AHCYL2: variants seen among roughly 807,000 people sequenced by gnomAD.
The protein encoded by AHCYL2 is S-adenosylhomocysteine hydrolase-like protein 2.
A neutral mutation model predicts 81.4 loss-of-function variants in AHCYL2; 28 were observed. That is an observed-to-expected ratio of 0.34 (90% CI 0.25 to 0.47). AHCYL2 has a LOEUF of 0.47. Ranked by LOEUF, AHCYL2 falls within the 20% of genes least tolerant of loss-of-function variation. AHCYL2 has a pLI of 1.00. For synonymous variants in AHCYL2, 272 were observed against 290.2 expected (o/e 0.94, Z 0.64); for missense variants, 551 against 785.1 (o/e 0.70, Z 3.56).
intron 1 of AHCYL2, among the ~76,000 whole-genome samples, chr7:129,328,003 G>T (rs921724638): frequency 6.6e-6 from 1 of 152,080 alleles, no homozygotes; most frequent in African/African-American, 2.4e-5. Flanking sequence ...TCACTGTGTG[G>T]ATTAGCCTGA....
At position 129,286,769 on chromosome 7, in the gene AHCYL2, C is replaced by G. The variant is rs114268768; in HGVS notation, c.363+61330C>G. ...AGCCACCACTTCCAGCTCCTTTACACTCTTAAAAATTAAGGATCCCAAAGA... is the reference window on the plus strand; with the variant it reads ...AGCCACCACTTCCAGCTCCTTTACAGTCTTAAAAATTAAGGATCCCAAAGA... On this transcript the variant is annotated intron_variant, in intron 1 of 16. Coordinates refer to ENST00000325006, the MANE Select transcript of AHCYL2 (RefSeq NM_015328.4). Among the ~76,000 whole-genome samples the G allele has an allele frequency of 4.5e-3, 655 of 144,834 alleles. 8 individuals carry two copies. Among genetic ancestry groups the G allele is most frequent in the African/African-American group, 0.015 (624 of 40,908 alleles).
intron 1 of AHCYL2, among the ~76,000 whole-genome samples, chr7:129,303,257 C>G (rs539059813): frequency 6.6e-6 from 1 of 152,164 alleles, no homozygotes; most frequent in South Asian, 2.1e-4. Flanking sequence ...CCTTGGCCTC[C>G]GAAAGTGCTG....
chr7:129,405,449 T>C (rs1796255627), intron 8 of AHCYL2: 1 of 364,948 alleles, frequency 2.7e-6, no homozygotes, highest in Non-Finnish European at 4.8e-6. Context: ...ATGTTGCTTT[T>C]ATGTTTAAAA....
chr7:129,305,461 A>AAAAC (rs770307869), intron 1 of AHCYL2, among the ~76,000 whole-genome samples: 1 of 152,144 alleles, frequency 6.6e-6, no homozygotes, highest in Non-Finnish European at 1.5e-5. Flanking sequence ...ATCCATCTCA[A>AAAAC]AAACAAACAA....
intron 2 of AHCYL2, among the ~76,000 whole-genome samples, chr7:129,387,755 G>A (rs569759439): frequency 1.3e-4 from 20 of 152,264 alleles, no homozygotes; most frequent in Non-Finnish European, 2.2e-4. Context: ...CTAGGAGAGG[G>A]AACCACAAAC....
chr7:129,382,622 T>C (rs927264402), intron 2 of AHCYL2, among the ~76,000 whole-genome samples: 4 of 151,720 alleles, frequency 2.6e-5, no homozygotes, highest in African/African-American at 7.3e-5. Context: ...AAAATAATTT[T>C]AGGCAGGGCG....
At chr7:129,236,578 C>T (rs745785742) in intron 1 of AHCYL2, among the ~76,000 whole-genome samples, 11 of 151,986 alleles carry the variant, frequency 7.2e-5, no homozygotes, top group African/African-American at 1.7e-4. Flanking sequence ...TGGGCTCAAG[C>T]GATCTGCCCG....
chr7:129,400,829 T>A (rs1370698834), intron 6 of AHCYL2, among the ~76,000 whole-genome samples: 2 of 152,102 alleles, frequency 1.3e-5, no homozygotes, highest in Non-Finnish European at 2.9e-5. Context: ...AGAAAAAAAA[T>A]AAAAATAATA....
intron 12 of AHCYL2, among the ~76,000 whole-genome samples, chr7:129,418,681 G>A (rs1796974018): frequency 1.3e-5 from 2 of 152,160 alleles, no homozygotes; most frequent in Non-Finnish European, 1.5e-5. Flanking sequence ...AGGCTGAGGT[G>A]GGAGGATTGC....
At chr7:129,393,770 A>G (rs1053284177) in intron 4 of AHCYL2, among the ~76,000 whole-genome samples, 1 of 152,162 alleles carries the variant, frequency 6.6e-6, no homozygotes, top group African/African-American at 2.4e-5. Flanking sequence ...CATTTCTCCC[A>G]GAATGCCTAG....
intron 1 of AHCYL2, among the ~76,000 whole-genome samples, chr7:129,299,542 C>T (rs1275129389): frequency 2.6e-5 from 4 of 151,684 alleles, no homozygotes; most frequent in Admixed American, 6.6e-5. Context: ...TACAGGCACC[C>T]GCCACCACGC....
chr7:129,418,369 G>T (rs561027044), intron 12 of AHCYL2, among the ~76,000 whole-genome samples: 2 of 151,912 alleles, frequency 1.3e-5, no homozygotes, highest in Admixed American at 1.3e-4. Context: ...GTGCAATCTC[G>T]GCTCACTGCA....
intron 1 of AHCYL2, among the ~76,000 whole-genome samples, chr7:129,371,716 A>C (rs1233207187): frequency 6.6e-6 from 1 of 152,182 alleles, no homozygotes; most frequent in Non-Finnish European, 1.5e-5. Flanking sequence ...CTGTGTTTCA[A>C]CATTTTAATA....
chr7:129,373,423 AAC>A (rs1794513072), intron 1 of AHCYL2, among the ~76,000 whole-genome samples: 1 of 152,106 alleles, frequency 6.6e-6, no homozygotes, highest in African/African-American at 2.4e-5. Flanking sequence ...TACTAAAAAA[AAC>A]AAAACAAAAC....
At position 129,426,589 on chromosome 7, in the gene AHCYL2, G is replaced by A; in HGVS notation, c.1829+26G>A. ...GTGCCTTGGGCTCCCCAGAAATCAG[G>A]GACACCTGGGCAGTGATGAGCTTCC... On this transcript the variant is annotated intron_variant, in intron 16 of 16. Coordinates refer to ENST00000325006, the MANE Select transcript of AHCYL2 (RefSeq NM_015328.4). This position sits in a 1 kb window ranked among gnomAD's most constrained non-coding sequence, Gnocchi z 4.3. The A allele has an allele frequency of 6.2e-7, 1 of 1,609,476 alleles. No individual in the cohort carries two copies. The highest frequency in any genetic ancestry group is 8.5e-7 in the Non-Finnish European group (1 of 1,177,762).
chr7:129,311,736 G>A (rs746521026), intron 1 of AHCYL2, among the ~76,000 whole-genome samples: 2 of 152,120 alleles, frequency 1.3e-5, no homozygotes, highest in African/African-American at 2.4e-5. Context: ...CACATCTTAC[G>A]TGGATTATTG....
At chr7:129,240,359 G>C (rs1794809454) in intron 1 of AHCYL2, among the ~76,000 whole-genome samples, 1 of 151,634 alleles carries the variant, frequency 6.6e-6, no homozygotes, top group South Asian at 2.1e-4. Context: ...TACATACACA[G>C]ACACACACAC....
intron 6 of AHCYL2, 67 bp downstream of exon 6, chr7:129,400,451 C>CT: frequency 7.0e-7 from 1 of 1,436,836 alleles, no homozygotes. Flanking sequence ...AGGTTATGGC[C>CT]TAGGAGAGGG....
At chr7:129,232,914 T>C (rs1042054265) in intron 1 of AHCYL2, among the ~76,000 whole-genome samples, 4 of 152,184 alleles carry the variant, frequency 2.6e-5, no homozygotes, top group African/African-American at 9.7e-5. Flanking sequence ...TTCTGTAAAT[T>C]CTTTTTCTGT....
Sources: gnomAD v4.1 joint callset for allele counts (sites outside exome capture counted in the v4.1 genomes callset) on GRCh38, gnomAD v4.1.1 for gene constraint, Gnocchi (gnomAD v3.1) non-coding constraint, MANE v1.5 for transcripts, NCBI Gene and HGNC (gene_info 2026-07-23, HGNC 2026-07-21) for gene names.